JAZF1: variants seen among roughly 807,000 people sequenced by gnomAD.
JAZF1 encodes juxtaposed with another zinc finger protein 1.
In JAZF1, 8 loss-of-function variants were observed where a neutral mutation model predicts 26.4. The ratio of observed to expected loss-of-function variants is 0.30; its 90% confidence interval spans 0.18 to 0.55. JAZF1 has a LOEUF of 0.55. JAZF1 is among the 20% of genes least tolerant of loss of function. The pLI is 0.94. For synonymous variants in JAZF1, 126 were observed against 122.3 expected (o/e 1.03, Z -0.20); for missense variants, 199 against 322.0 (o/e 0.62, Z 2.92).
intron 1 of JAZF1, 27 bp downstream of exon 1, chr7:28,180,436 A>G (rs1376468690): frequency 6.7e-7 from 1 of 1,501,052 alleles, no homozygotes; most frequent in Non-Finnish European, 9.0e-7. Flanking sequence ...CGCGCCTGGC[A>G]CCCCCGCCCA....
intron 4 of JAZF1, among the ~76,000 whole-genome samples, chr7:27,839,000 A>G (rs1052664642): frequency 6.6e-6 from 1 of 152,180 alleles, no homozygotes; most frequent in Admixed American, 6.5e-5. Flanking sequence ...CCAGACACAG[A>G]GAACGGAAGG....
At chr7:28,052,371 G>C (rs905587373) in intron 1 of JAZF1, among the ~76,000 whole-genome samples, 4 of 152,150 alleles carry the variant, frequency 2.6e-5, no homozygotes, top group African/African-American at 9.7e-5. Context: ...TTTTATTTGA[G>C]TTTCTGGAGT....
At chr7:27,998,110 T>C (rs979014622) in intron 1 of JAZF1, among the ~76,000 whole-genome samples, 2 of 111,862 alleles carry the variant, frequency 1.8e-5, no homozygotes, top group Admixed American at 1.7e-4. Context: ...ATGAGCAAAG[T>C]AACAAACACA....
chr7:28,087,475 C>A (rs1040983358), intron 1 of JAZF1, among the ~76,000 whole-genome samples: 1 of 151,924 alleles, frequency 6.6e-6, no homozygotes. Context: ...ATAAAGTTTA[C>A]ATTTACCAAA....
chr7:28,163,314 G>A (rs919266145), intron 1 of JAZF1, among the ~76,000 whole-genome samples: 8 of 152,304 alleles, frequency 5.3e-5, no homozygotes, highest in Middle Eastern at 3.4e-3. Flanking sequence ...GTGATATACA[G>A]TGGGAGAAAG....
chr7:27,913,255 A>G (rs1784389752), intron 2 of JAZF1: 1 of 180,728 alleles, frequency 5.5e-6, no homozygotes, highest in Non-Finnish European at 1.1e-5. Context: ...TTATGTTTAC[A>G]TATTATATAT....
chr7:27,837,821 C>T (rs2128330681), intron 4 of JAZF1, among the ~76,000 whole-genome samples: 1 of 152,272 alleles, frequency 6.6e-6, no homozygotes, highest in African/African-American at 2.4e-5. Context: ...AAGGAGGCTC[C>T]CTGCTCTCCC....
At chr7:28,172,803 C>G (rs1191847411) in intron 1 of JAZF1, among the ~76,000 whole-genome samples, 1 of 152,172 alleles carries the variant, frequency 6.6e-6, no homozygotes, top group Non-Finnish European at 1.5e-5. Flanking sequence ...GAAGCAACTT[C>G]TACACTAGGA....
At chr7:27,953,914 A>G (rs971854528) in intron 2 of JAZF1, among the ~76,000 whole-genome samples, 4 of 152,176 alleles carry the variant, frequency 2.6e-5, no homozygotes, top group Non-Finnish European at 5.9e-5. Flanking sequence ...AGCCACAGTG[A>G]CAGTATTCAC....
chr7:27,892,271 C>A (rs966258715), intron 3 of JAZF1, among the ~76,000 whole-genome samples: 7 of 152,152 alleles, frequency 4.6e-5, no homozygotes, highest in African/African-American at 1.7e-4. Context: ...AAATAACTTA[C>A]CAATAATCTT....
At chr7:28,094,637 C>CA (rs2127924122) in intron 1 of JAZF1, among the ~76,000 whole-genome samples, 1 of 152,286 alleles carries the variant, frequency 6.6e-6, no homozygotes, top group East Asian at 1.9e-4. Flanking sequence ...AGTAGGCACC[C>CA]AGCACTTGAA....
intron 1 of JAZF1, among the ~76,000 whole-genome samples, chr7:28,080,307 A>T (rs894245236): frequency 1.3e-5 from 2 of 152,238 alleles, no homozygotes; most frequent in Non-Finnish European, 2.9e-5. Context: ...GCTTTGGCTT[A>T]CGGGAATGTT....
intron 2 of JAZF1, among the ~76,000 whole-genome samples, chr7:27,938,255 C>G (rs762378047): frequency 6.6e-6 from 1 of 152,218 alleles, no homozygotes; most frequent in African/African-American, 2.4e-5. Flanking sequence ...GTCCTCTTCT[C>G]TTTAGAATCC....
chr7:28,123,225 A>T (rs1205622277), intron 1 of JAZF1, among the ~76,000 whole-genome samples: 3 of 152,072 alleles, frequency 2.0e-5, no homozygotes, highest in Non-Finnish European at 1.5e-5. Context: ...TGTACTCCGA[A>T]TCATGACCAC....
intron 1 of JAZF1, among the ~76,000 whole-genome samples, chr7:28,068,710 A>T (rs1177156749): frequency 2.0e-5 from 3 of 151,800 alleles, no homozygotes; most frequent in South Asian, 2.1e-4. Context: ...GTTATTTTTT[A>T]AAAAAGGAGG....
At chr7:27,906,427 A>G (rs898502707) in intron 2 of JAZF1, among the ~76,000 whole-genome samples, 2 of 152,246 alleles carry the variant, frequency 1.3e-5, no homozygotes, top group African/African-American at 4.8e-5. Context: ...CAGGCACCAA[A>G]GCTGAGCCAT....
At chr7:28,162,580 T>G (rs1302158355) in intron 1 of JAZF1, among the ~76,000 whole-genome samples, 2 of 152,242 alleles carry the variant, frequency 1.3e-5, no homozygotes, top group African/African-American at 2.4e-5. Flanking sequence ...AATGGTAAGA[T>G]CATGGTCACA....
chr7:27,956,394 G>A (rs1041184922), intron 2 of JAZF1, among the ~76,000 whole-genome samples: 4 of 152,138 alleles, frequency 2.6e-5, no homozygotes, highest in Non-Finnish European at 5.9e-5. Context: ...GCTCTTTGGG[G>A]GTGTAACCCA....
chr7:28,042,801 TA>T (rs1456201962), intron 1 of JAZF1, among the ~76,000 whole-genome samples: 1 of 152,156 alleles, frequency 6.6e-6, no homozygotes, highest in African/African-American at 2.4e-5. Flanking sequence ...GTTTGTAGCC[TA>T]GAAGCAATAG....
Sources: gnomAD v4.1 joint callset for allele counts (sites outside exome capture counted in the v4.1 genomes callset) on GRCh38, gnomAD v4.1.1 for gene constraint, MANE v1.5 for transcripts, NCBI Gene and HGNC (gene_info 2026-07-23, HGNC 2026-07-21) for gene names.